SEC23IP: variants seen among roughly 807,000 people sequenced by gnomAD.
SEC23IP encodes SEC23-interacting protein.
SEC23IP carries 70 observed loss-of-function variants against 113.4 expected under a neutral mutation model. That is an observed-to-expected ratio of 0.62 (90% confidence interval 0.51 to 0.75). SEC23IP has a LOEUF of 0.75. Among genes scored for constraint, SEC23IP ranks in the 30% least tolerant of loss-of-function variants. SEC23IP has a pLI of 0.00. For missense variants in SEC23IP, 1,160 were observed against 1,204.9 expected (o/e 0.96, Z 0.55); for synonymous variants, 398 against 421.0 (o/e 0.95, Z 0.67).
intron 18 of SEC23IP, among the ~76,000 whole-genome samples, chr10:119,934,802 G>C (rs1203122644): frequency 6.6e-6 from 1 of 152,070 alleles, no homozygotes; most frequent in Non-Finnish European, 1.5e-5. Flanking sequence ...AAAGTTTTTT[G>C]GCTCCATTTC....
chr10:119,893,765 C>T (rs1854181946), intron 1 of SEC23IP, among the ~76,000 whole-genome samples: 1 of 152,140 alleles, frequency 6.6e-6, no homozygotes, highest in Admixed American at 6.5e-5. Flanking sequence ...AGTGATCCGC[C>T]TGCCCTGGCC....
At chr10:119,906,333 C>T (rs1854664730) in intron 4 of SEC23IP, among the ~76,000 whole-genome samples, 1 of 147,492 alleles carries the variant, frequency 6.8e-6, no homozygotes, top group Non-Finnish European at 1.5e-5. Context: ...TTCATGTAGG[C>T]ACTATCATAA....
At chr10:119,934,447 G>A (rs1411969240) in intron 18 of SEC23IP, among the ~76,000 whole-genome samples, 1 of 152,196 alleles carries the variant, frequency 6.6e-6, no homozygotes, top group Non-Finnish European at 1.5e-5. Context: ...TTTATAGAGG[G>A]AAAGAATAGA....
intron 1 of SEC23IP, 95 bp from the exon 2 acceptor site, chr10:119,898,332 A>G: frequency 7.3e-7 from 1 of 1,379,190 alleles, no homozygotes; most frequent in Non-Finnish European, 9.4e-7. Context: ...TGAAGAACAA[A>G]TAAGGAAGTA....
chr10:119,933,389 T>C (rs1855671698), intron 17 of SEC23IP, among the ~76,000 whole-genome samples: 2 of 152,226 alleles, frequency 1.3e-5, no homozygotes, highest in African/African-American at 4.8e-5. Flanking sequence ...ACACTGTTTT[T>C]GTGGGAATGC....
intron 4 of SEC23IP, among the ~76,000 whole-genome samples, chr10:119,908,298 A>G (rs1350435182): frequency 6.6e-6 from 1 of 152,194 alleles, no homozygotes; most frequent in East Asian, 1.9e-4. Context: ...AATGAACTAC[A>G]GTTCTCCCAT....
At chr10:119,895,059 G>A (rs1200694828) in intron 1 of SEC23IP, among the ~76,000 whole-genome samples, 1 of 152,120 alleles carries the variant, frequency 6.6e-6, no homozygotes, top group Non-Finnish European at 1.5e-5. Context: ...ATAAGTGGAA[G>A]AGAGACACAG....
chr10:119,899,080 G>T, intron 2 of SEC23IP, 121 bp downstream of exon 2: 1 of 877,178 alleles, frequency 1.1e-6, no homozygotes, highest in Admixed American at 2.7e-5. Flanking sequence ...AGTTTCAGAG[G>T]GTATTCTTTG....
chr10:119,916,869 A>G (rs1357204146), intron 8 of SEC23IP, among the ~76,000 whole-genome samples: 1 of 152,178 alleles, frequency 6.6e-6, no homozygotes, highest in Admixed American at 6.5e-5. Flanking sequence ...ACTTTAAAAA[A>G]AAAACTGAAT....
chr10:119,902,096 C>T (rs938809762), intron 2 of SEC23IP, among the ~76,000 whole-genome samples: 1 of 152,162 alleles, frequency 6.6e-6, no homozygotes, highest in Non-Finnish European at 1.5e-5. Context: ...GTGGCTCACA[C>T]CTGTAATCCC....
At chr10:119,930,455 CT>C (rs762864205) in intron 15 of SEC23IP, 24 bp downstream of exon 15, 13 of 1,385,396 alleles carry the variant, frequency 9.4e-6, no homozygotes, top group African/African-American at 1.4e-5. Context: ...ACTATAAAAA[CT>C]TTTTTTCCTG....
At chr10:119,937,448 A>G (rs1424254055) in intron 18 of SEC23IP, among the ~76,000 whole-genome samples, 1 of 151,710 alleles carries the variant, frequency 6.6e-6, no homozygotes, top group African/African-American at 2.4e-5. Flanking sequence ...CAACATGGAG[A>G]AACCCCATCT....
chr10:119,937,786 A>G (rs1299862263), intron 18 of SEC23IP, among the ~76,000 whole-genome samples: 1 of 152,122 alleles, frequency 6.6e-6, no homozygotes, highest in Non-Finnish European at 1.5e-5. Flanking sequence ...TTTCTTACAT[A>G]ATCGTTTCTG....
intron 4 of SEC23IP, among the ~76,000 whole-genome samples, chr10:119,907,758 G>A (rs1252109583): frequency 6.6e-6 from 1 of 152,090 alleles, no homozygotes; most frequent in African/African-American, 2.4e-5. Flanking sequence ...CGAGACCAGC[G>A]TGGCCAATAT....
intron 18 of SEC23IP, among the ~76,000 whole-genome samples, chr10:119,935,187 G>T (rs767095930): frequency 6.6e-6 from 1 of 152,114 alleles, no homozygotes; most frequent in Non-Finnish European, 1.5e-5. Flanking sequence ...GAGGCTGGGT[G>T]TAGTGGCTCA....
At chr10:119,909,018 A>G (rs865822155) in intron 4 of SEC23IP, 23 bp from the exon 5 acceptor site, 1 of 1,498,796 alleles carries the variant, frequency 6.7e-7, no homozygotes, top group Middle Eastern at 1.7e-4. Context: ...ATGTTGGAAT[A>G]TATGTTGTTT....
chr10:119,926,148 C>G lies in SEC23IP; in HGVS notation c.2234C>G (p.Pro745Arg), dbSNP rs1365168603. The G allele has an allele frequency of 3.1e-6, 5 of 1,613,928 alleles. No homozygotes were observed. Among genetic ancestry groups the G allele is most frequent in the African/African-American group, 1.3e-5 (1 of 74,894 alleles). The part of the protein sequence containing the change: ...MASLPSESNE[P>R]KRKLPVGACV... ...TCCCTCCCCTCAGAATCCAATGAGC[C>G]AAAGAGGAAACTTCCAGTTGGTGCT... Residue 745 changes from proline (P) to arginine (R), a missense_variant, in exon 13 of 19, where the codon CCA becomes CGA. Coordinates refer to ENST00000369075, the MANE Select transcript of SEC23IP (RefSeq NM_007190.4).
chr10:119,904,361 G>A, intron 4 of SEC23IP, 84 bp downstream of exon 4: 1 of 1,219,024 alleles, frequency 8.2e-7, no homozygotes, highest in Non-Finnish European at 1.2e-6. Flanking sequence ...TCACAGTGGA[G>A]CGGACTTTAC....
chr10:119,914,679 A>T, intron 6 of SEC23IP, 51 bp from the exon 7 acceptor site: 1 of 1,473,738 alleles, frequency 6.8e-7, no homozygotes, highest in Non-Finnish European at 9.5e-7. Context: ...CATTAGGAAA[A>T]TCCAAACAAA....
Sources: gnomAD v4.1 joint callset for allele counts (sites outside exome capture counted in the v4.1 genomes callset) on GRCh38, gnomAD v4.1.1 for gene constraint, MANE v1.5 for transcripts, NCBI Gene and HGNC (gene_info 2026-07-23, HGNC 2026-07-21) for gene names.